Variants in SMOC2 observed in about 807,000 individuals in gnomAD.
SMOC2 encodes SPARC related modular calcium binding 2.
Under a neutral mutation model 61.4 loss-of-function variants are expected in SMOC2, and 39 were observed. The observed-to-expected ratio is 0.64, with a 90% confidence interval of 0.49 to 0.83. SMOC2 has a LOEUF of 0.83. SMOC2 is among the 40% of genes least tolerant of loss of function. The pLI is 0.00. For synonymous variants in SMOC2, 247 were observed against 239.9 expected (o/e 1.03, Z -0.27); for missense variants, 556 against 592.9 (o/e 0.94, Z 0.65).
chr6:168,466,631 CAT>C (rs762189822), intron 1 of SMOC2, among the ~76,000 whole-genome samples: 3 of 152,370 alleles, frequency 2.0e-5, no homozygotes, highest in Non-Finnish European at 4.4e-5. Flanking sequence ...GCATATTTGT[CAT>C]AGTATTTGTG....
At position 168,461,922 on chromosome 6, in the gene SMOC2, G is replaced by A. The variant is rs957526968; in HGVS notation, c.84+20468G>A. Among the ~76,000 whole-genome samples the A allele has an allele frequency of 9.2e-5, 14 of 152,310 alleles. 1 individual carries two copies. In the South Asian group the frequency reaches 2.1e-3, roughly 23 times the overall value. Reference sequence around the variant, plus strand: ...ATACGATGTGCATCACTAGGCTCACGTGGCAATGGGATGATGCCTTAGTGT... The same window carrying A: ...ATACGATGTGCATCACTAGGCTCACATGGCAATGGGATGATGCCTTAGTGT... On this transcript the variant is annotated intron_variant, in intron 1 of 12. Transcript: ENST00000356284.
intron 7 of SMOC2, among the ~76,000 whole-genome samples, chr6:168,552,843 G>A (rs1379656900): frequency 2.1e-5 from 1 of 48,626 alleles, no homozygotes; most frequent in African/African-American, 8.7e-5. Flanking sequence ...CCACCAGCCT[G>A]TTGCTCACTC....
In SMOC2 at chr6:168,526,559, G is replaced by A. The variant is rs76826913; in HGVS notation, c.363+107G>A. On this transcript the variant is annotated intron_variant, in intron 3 of 12. Transcript: ENST00000356284. Reference sequence around the variant, plus strand: ...GGGGGAGCCGAACAGAAGAAGCAGCGGGTTTGTTCTCTGGGGAAATCAGCC... The same window carrying A: ...GGGGGAGCCGAACAGAAGAAGCAGCAGGTTTGTTCTCTGGGGAAATCAGCC... The A allele has an allele frequency of 1.9e-3, 1,631 of 849,294 alleles. 23 individuals carry two copies. In the African/African-American group the frequency reaches 0.024, roughly 13 times the overall value. 52.6% of individuals were successfully genotyped at this position (849,294 alleles called of 1,614,324 possible).
intron 9 of SMOC2, among the ~76,000 whole-genome samples, chr6:168,609,744 G>A (rs1785806175): frequency 6.6e-6 from 1 of 152,186 alleles, no homozygotes; most frequent in South Asian, 2.1e-4. Flanking sequence ...GGTTGGTCTT[G>A]ACCTTGTCAC....
intron 7 of SMOC2, among the ~76,000 whole-genome samples, chr6:168,567,121 T>G (rs73789114): frequency 0.017 from 2,647 of 152,326 alleles, 74 homozygotes; most frequent in African/African-American, 0.06. Context: ...GAAATAAGTT[T>G]GTTTTTCTGT....
chr6:168,588,753 T>C (rs536926791), intron 7 of SMOC2, among the ~76,000 whole-genome samples: 1 of 152,304 alleles, frequency 6.6e-6, no homozygotes, highest in East Asian at 1.9e-4. Context: ...TACTACAGAC[T>C]TAAATACAAA....
intron 1 of SMOC2, among the ~76,000 whole-genome samples, chr6:168,482,005 C>T (rs1324063926): frequency 1.3e-5 from 2 of 151,044 alleles, no homozygotes; most frequent in Non-Finnish European, 3.0e-5. Context: ...CAAGCTAAAC[C>T]TAAAGCTAGC....
chr6:168,595,248 C>CAAG (rs71008023), intron 7 of SMOC2, among the ~76,000 whole-genome samples: 15,733 of 74,444 alleles, frequency 0.21, 2,672 homozygotes, highest in Admixed American at 0.33. Context: ...TGAGGCCTCA[C>CAAG]GGGCATCTTT....
At chr6:168,627,984 G>A (rs1467927448) in intron 9 of SMOC2, among the ~76,000 whole-genome samples, 1 of 152,130 alleles carries the variant, frequency 6.6e-6, no homozygotes, top group Non-Finnish European at 1.5e-5. Flanking sequence ...GTGGACATCA[G>A]CCAGTGACTG....
chr6:168,578,583 T>G (rs542257616), intron 7 of SMOC2, among the ~76,000 whole-genome samples: 1 of 152,328 alleles, frequency 6.6e-6, no homozygotes, highest in Admixed American at 6.5e-5. Context: ...CAGGGCTTCA[T>G]GTACAGCAAC....
chr6:168,467,136 AACACACACACACACACACACACACACAC>A lies in SMOC2; in HGVS notation c.84+25701_84+25728del, dbSNP rs10536582. Among the ~76,000 whole-genome samples, 13 of 133,334 alleles carry A rather than the reference AACACACACACACACACACACACACACAC, an allele frequency of 9.7e-5. No homozygotes were observed. The East Asian group carries it at 1.6e-3, about 16-fold the overall frequency. The allele number at this position is 133,334 out of a possible 152,430, so 87.5% of individuals were successfully genotyped here. A position where few individuals can be genotyped will look rare whatever the true frequency, so the allele number is the denominator to read the frequency against. ...TGTGCTTAACAAATCAGTGCTCTCA[AACACACACACACACACACACACACACAC>A]ACACACACACACACACACGTTTATT... is the stretch of plus-strand genomic sequence containing the variant. On this transcript the variant is annotated intron_variant, in intron 1 of 12. Coordinates refer to ENST00000356284, the MANE Select transcript of SMOC2 (RefSeq NM_001166412.2).
chr6:168,592,493 C>T (rs1362320849), intron 7 of SMOC2, among the ~76,000 whole-genome samples: 4 of 80,990 alleles, frequency 4.9e-5, no homozygotes, highest in Non-Finnish European at 5.2e-5. Flanking sequence ...TCTAGAGGAT[C>T]GCGGAGCTCC....
rs548379769 is a variant in SMOC2 at position 168,488,864 on chromosome 6, A to G, written c.85-21051A>G. ...CCTTGCATCACACTGTTTTAGAATG[A>G]AATATATCAAATCGTCTGGGTCCCC... On this transcript the variant is annotated intron_variant, in intron 1 of 12. Transcript: ENST00000356284. Among the ~76,000 whole-genome samples, 15 of 141,988 alleles carry G rather than the reference A, an allele frequency of 1.1e-4. No homozygotes were observed. In the East Asian group the frequency reaches 3.0e-3, roughly 28 times the overall value. 93.1% of individuals were successfully genotyped at this position (141,988 alleles called of 152,430 possible).
rs1161291425 is a variant in SMOC2, at chr6:168,453,226, A to T, written c.84+11772A>T. On this transcript the variant is annotated intron_variant, in intron 1 of 12. Coordinates refer to ENST00000356284, the MANE Select transcript of SMOC2 (RefSeq NM_001166412.2). This position sits in a 1 kb window ranked among gnomAD's most constrained non-coding sequence, Gnocchi z 4.4. ...AAATGCGGGCGGGGGTGGGGGAGGA[A>T]CTCGGGACCCAGGGCTGTGCCCCAA... is the stretch of plus-strand genomic sequence containing the variant. 6.0e-5 allele frequency among the ~76,000 whole-genome samples: 9 copies of T among 149,652 alleles called. No individual in the cohort carries two copies. The highest frequency in any genetic ancestry group is 3.0e-5 in the Non-Finnish European group (2 of 67,500).
At chr6:168,524,208 C>T (rs1234520731) in intron 2 of SMOC2, among the ~76,000 whole-genome samples, 1 of 152,104 alleles carries the variant, frequency 6.6e-6, no homozygotes, top group Non-Finnish European at 1.5e-5. Context: ...CCTGATTTAA[C>T]ACGAGATATC....
At chr6:168,576,776 C>T (rs1325331478) in intron 7 of SMOC2, among the ~76,000 whole-genome samples, 1 of 152,032 alleles carries the variant, frequency 6.6e-6, no homozygotes. Flanking sequence ...GTGTCGTGAT[C>T]GTGTTCAGGG....
chr6:168,579,504 A>G (rs1784878439), intron 7 of SMOC2, among the ~76,000 whole-genome samples: 1 of 152,188 alleles, frequency 6.6e-6, no homozygotes, highest in Non-Finnish European at 1.5e-5. Flanking sequence ...ACTTTTATTA[A>G]CTTCCTTTAA....
chr6:168,464,132 A>C (rs528128407), intron 1 of SMOC2, among the ~76,000 whole-genome samples: 1 of 141,978 alleles, frequency 7.0e-6, no homozygotes, highest in Non-Finnish European at 1.5e-5. Context: ...TGGAGGCTGC[A>C]GTGTGCTGAG....
At chr6:168,617,705 A>G (rs890318336) in intron 9 of SMOC2, among the ~76,000 whole-genome samples, 6 of 152,218 alleles carry the variant, frequency 3.9e-5, no homozygotes, top group African/African-American at 1.4e-4. Flanking sequence ...AGGTGTCTGG[A>G]AACCCCAGAT....
Sources: allele counts gnomAD v4.1 joint callset (sites outside exome capture counted in the v4.1 genomes callset), GRCh38; gene constraint gnomAD v4.1.1; non-coding constraint Gnocchi (gnomAD v3.1); transcripts MANE v1.5; gene names NCBI Gene and HGNC (gene_info 2026-07-23, HGNC 2026-07-21).